ITGA9: variants seen among roughly 807,000 people sequenced by gnomAD.
The protein encoded by ITGA9 is integrin subunit alpha 9, also known as integrin alpha-9.
A neutral mutation model predicts 127.8 loss-of-function variants in ITGA9; 56 were observed. The observed-to-expected ratio is 0.44, with a 90% CI of 0.35 to 0.55. The LOEUF is 0.55. Ranked by LOEUF, ITGA9 falls within the 20% of genes least tolerant of loss-of-function variation. The pLI is 0.00. For synonymous variants in ITGA9, 508 were observed against 514.5 expected, an observed-to-expected ratio of 0.99 and a Z score of 0.17; for missense variants, 1,196 against 1,347.1, an observed-to-expected ratio of 0.89 and a Z score of 1.76.
chr3:37,548,642 A>T (rs1699350627), intron 15 of ITGA9, among the ~76,000 whole-genome samples: 1 of 151,870 alleles, frequency 6.6e-6, no homozygotes, highest in Non-Finnish European at 1.5e-5. Context: ...TAGACTAGTT[A>T]TCTTAGTTTG....
chr3:37,673,363 C>T (rs1700655170), intron 17 of ITGA9, among the ~76,000 whole-genome samples: 1 of 152,174 alleles, frequency 6.6e-6, no homozygotes, highest in African/African-American at 2.4e-5. Flanking sequence ...AAAACATTTC[C>T]CAGGCTCCCT....
At chr3:37,608,465 A>G (rs1699989004) in intron 15 of ITGA9, among the ~76,000 whole-genome samples, 1 of 152,178 alleles carries the variant, frequency 6.6e-6, no homozygotes, top group African/African-American at 2.4e-5. Flanking sequence ...AACTGTTTTC[A>G]TCATCTTTGG....
At chr3:37,691,109 C>T (rs1447737885) in intron 18 of ITGA9, among the ~76,000 whole-genome samples, 1 of 152,168 alleles carries the variant, frequency 6.6e-6, no homozygotes, top group Admixed American at 6.5e-5. Flanking sequence ...TGGAAAAATG[C>T]TCTTGGGTGC....
chr3:37,679,626 A>G (rs1700716411), intron 17 of ITGA9, among the ~76,000 whole-genome samples: 1 of 152,144 alleles, frequency 6.6e-6, no homozygotes, highest in Non-Finnish European at 1.5e-5. Context: ...CATTCATTCA[A>G]GTGTTCACTG....
chr3:37,471,720 T>A (rs171963), intron 2 of ITGA9, among the ~76,000 whole-genome samples: 1 of 152,114 alleles, frequency 6.6e-6, no homozygotes, highest in Non-Finnish European at 1.5e-5. Context: ...GGGTATTACA[T>A]TTTAACTAGG....
intron 18 of ITGA9, among the ~76,000 whole-genome samples, chr3:37,727,316 C>T (rs1024556449): frequency 6.6e-6 from 1 of 152,190 alleles, no homozygotes; most frequent in African/African-American, 2.4e-5. Context: ...CTGTAATCTT[C>T]AGCAAGAAAC....
chr3:37,748,764 AAAAGAAG>A lies in ITGA9; in HGVS notation c.2434-1697_2434-1691del. 4.6e-6 allele frequency: 3 copies of A among 645,948 alleles called. No individual in the cohort carries two copies. The South Asian group carries it at 5.2e-5, about 11-fold the overall frequency. 40.0% of individuals were successfully genotyped at this position (645,948 alleles called of 1,614,324 possible). ...CTCTGTCTTAAAAAAAAAAAAAAAA[AAAAGAAG>A]GAAGCCAAACAGAAAGATACCTGGG... is the stretch of plus-strand genomic sequence containing the variant. On this transcript the variant is annotated intron_variant, in intron 22 of 27. Transcript: ENST00000264741.
At chr3:37,624,200 C>CTTTTT (rs58307041) in intron 15 of ITGA9, among the ~76,000 whole-genome samples, 11,876 of 85,590 alleles carry the variant, frequency 0.14, 1,197 homozygotes, top group African/African-American at 0.21. Flanking sequence ...AAAAAAAACC[C>CTTTTT]TTTTTTTTTT....
intron 17 of ITGA9, among the ~76,000 whole-genome samples, chr3:37,667,331 G>A (rs1700595815): frequency 6.6e-6 from 1 of 152,054 alleles, no homozygotes; most frequent in Admixed American, 6.5e-5. Context: ...CCCTTCACTA[G>A]CAAGCATAAC....
intron 1 of ITGA9, among the ~76,000 whole-genome samples, chr3:37,464,292 T>TA (rs1329768470): frequency 1.3e-5 from 2 of 151,282 alleles, no homozygotes; most frequent in Non-Finnish European, 2.9e-5. Context: ...TTTTTTTTTT[T>TA]AAACATAAGT....
chr3:37,484,365 C>T (rs372072927), intron 4 of ITGA9, among the ~76,000 whole-genome samples: 2 of 152,108 alleles, frequency 1.3e-5, no homozygotes, highest in Non-Finnish European at 2.9e-5. Flanking sequence ...GGATGCCGGC[C>T]GTAGTGAGAG....
At chr3:37,512,024 T>TTTTCCTTTCTTTC (rs1698917702) in intron 8 of ITGA9, among the ~76,000 whole-genome samples, 2 of 31,986 alleles carry the variant, frequency 6.3e-5, no homozygotes, top group East Asian at 1.7e-3. Context: ...TTTTCTTTTC[T>TTTTCCTTTCTTTC]TTTCTTTCTT....
intron 15 of ITGA9, among the ~76,000 whole-genome samples, chr3:37,594,336 T>C (rs1699848974): frequency 6.6e-6 from 1 of 152,164 alleles, no homozygotes; most frequent in South Asian, 2.1e-4. Flanking sequence ...AGGGAGAGTA[T>C]GGCCTGCTTT....
intron 4 of ITGA9, among the ~76,000 whole-genome samples, chr3:37,487,443 T>C (rs1453809616): frequency 6.6e-6 from 1 of 152,210 alleles, no homozygotes; most frequent in Non-Finnish European, 1.5e-5. Flanking sequence ...TGGGCAAACC[T>C]GTCTCCTATA....
intron 14 of ITGA9, among the ~76,000 whole-genome samples, chr3:37,537,919 T>A (rs1699226062): frequency 6.6e-6 from 1 of 152,248 alleles, no homozygotes; most frequent in African/African-American, 2.4e-5. Flanking sequence ...GGGAACAGCC[T>A]GTGGCCCCTT....
intron 10 of ITGA9, among the ~76,000 whole-genome samples, chr3:37,518,945 C>A (rs997114382): frequency 2.6e-5 from 4 of 151,860 alleles, no homozygotes; most frequent in African/African-American, 9.7e-5. Context: ...CCACCACACC[C>A]AGCTAATTTT....
chr3:37,561,949 G>T (rs1158114916), intron 15 of ITGA9, among the ~76,000 whole-genome samples: 1 of 152,164 alleles, frequency 6.6e-6, no homozygotes, highest in Non-Finnish European at 1.5e-5. Context: ...TGAAGTCAGG[G>T]AATAAGAATT....
intron 18 of ITGA9, among the ~76,000 whole-genome samples, chr3:37,715,088 C>G (rs1701120653): frequency 6.6e-6 from 1 of 152,200 alleles, no homozygotes. Flanking sequence ...GTTCAGAGCT[C>G]AGGACAGGTT....
intron 18 of ITGA9, among the ~76,000 whole-genome samples, chr3:37,688,891 A>C (rs941782967): frequency 1.3e-5 from 2 of 150,998 alleles, no homozygotes; most frequent in African/African-American, 2.4e-5. Flanking sequence ...TGGGTGGATG[A>C]GTGGGTGGAT....
Sources: gnomAD v4.1 joint callset for allele counts (sites outside exome capture counted in the v4.1 genomes callset) on GRCh38, gnomAD v4.1.1 for gene constraint, MANE v1.5 for transcripts, NCBI Gene and HGNC (gene_info 2026-07-23, HGNC 2026-07-21) for gene names.